The following TNKS variants were observed in gnomAD, a reference collection of about 807,000 sequenced individuals.
The protein encoded by TNKS is tankyrase, also known as poly [ADP-ribose] polymerase tankyrase-1.
In TNKS, 72 loss-of-function variants were observed where a neutral mutation model predicts 135.8. That is an observed-to-expected ratio of 0.53 (90% CI 0.44 to 0.64). The LOEUF is 0.64. Ranked by LOEUF, TNKS falls within the 30% of genes least tolerant of loss-of-function variation. The pLI is 0.00. For synonymous variants in TNKS, 849 were observed against 649.3 expected, an observed-to-expected ratio of 1.31 and a Z score of -4.68; for missense variants, 1,769 against 1,674.0, an observed-to-expected ratio of 1.06 and a Z score of -0.99.
intron 2 of TNKS, among the ~76,000 whole-genome samples, chr8:9,587,592 C>CG (rs556495006): frequency 1.1e-3 from 171 of 151,952 alleles, no homozygotes; most frequent in African/African-American, 3.5e-3. Context: ...TTAGTAGAAA[C>CG]GGGGTTTCAC....
At chr8:9,565,273 A>C (rs982035857) in intron 1 of TNKS, among the ~76,000 whole-genome samples, 12 of 151,902 alleles carry the variant, frequency 7.9e-5, no homozygotes, top group African/African-American at 2.9e-4. Context: ...TAGACAAGTT[A>C]TTTATTTATT....
chr8:9,598,240 G>C (rs1020133218), intron 2 of TNKS, among the ~76,000 whole-genome samples: 1 of 151,962 alleles, frequency 6.6e-6, no homozygotes, highest in Non-Finnish European at 1.5e-5. Flanking sequence ...GTAGAGACGG[G>C]GTTTCACCGT....
intron 1 of TNKS, among the ~76,000 whole-genome samples, chr8:9,563,028 A>G (rs1797397970): frequency 6.6e-6 from 1 of 152,018 alleles, no homozygotes; most frequent in Admixed American, 6.6e-5. Flanking sequence ...TTTTATGTAT[A>G]TTGAAACTTT....
chr8:9,572,474 C>T (rs555762344), intron 1 of TNKS, among the ~76,000 whole-genome samples: 5 of 152,182 alleles, frequency 3.3e-5, no homozygotes, highest in African/African-American at 4.8e-5. Context: ...TATTTCCTCT[C>T]TTCCCATCCT....
chr8:9,704,628 T>C, intron 5 of TNKS, 35 bp from the exon 6 acceptor site: 2 of 1,551,710 alleles, frequency 1.3e-6, no homozygotes, highest in Non-Finnish European at 1.8e-6. Flanking sequence ...TGTTTGTTTG[T>C]TTTTACCTGA....
intron 2 of TNKS, among the ~76,000 whole-genome samples, chr8:9,583,421 G>T (rs1279527872): frequency 6.6e-6 from 1 of 151,898 alleles, no homozygotes; most frequent in Non-Finnish European, 1.5e-5. Flanking sequence ...ATTTATCTTT[G>T]CTTCTCCCTA....
intron 3 of TNKS, among the ~76,000 whole-genome samples, chr8:9,656,611 C>CTTTTTTTTTTTTTTTTTTTT: frequency 7.3e-6 from 1 of 136,454 alleles, no homozygotes; most frequent in African/African-American, 2.9e-5. Context: ...AAAGAATTTT[C>CTTTTTTTTTTTTTTTTTTTT]TTTTTTTTTT....
intron 26 of TNKS, among the ~76,000 whole-genome samples, chr8:9,774,748 C>T (rs1210365166): frequency 6.6e-6 from 1 of 152,156 alleles, no homozygotes; most frequent in Non-Finnish European, 1.5e-5. Context: ...TCTTAGAATC[C>T]ACCTGACTAA....
intron 1 of TNKS, chr8:9,566,600 T>A: frequency 7.8e-6 from 1 of 128,624 alleles, no homozygotes; most frequent in Non-Finnish European, 1.6e-5. Flanking sequence ...AGTCTTTTTT[T>A]TTTTTTTTTT....
rs925411214 is a variant in TNKS, at chr8:9,640,252, C to T, written c.994+24575C>T. Among the ~76,000 whole-genome samples the T allele has an allele frequency of 7.8e-4, 119 of 152,246 alleles. 2 individuals are homozygous for T. Among genetic ancestry groups the T allele is most frequent in the African/African-American group, 2.7e-3 (114 of 41,532 alleles). ...GCTGGGAAGTCCAATATCAAGGAGC[C>T]AGCATCTGGCCAGGGCCTTCTTACT... is the stretch of plus-strand genomic sequence containing the variant. On this transcript the variant is annotated intron_variant, in intron 3 of 26. Transcript: ENST00000310430.
At chr8:9,728,442 T>A (rs1211096989) in intron 13 of TNKS, among the ~76,000 whole-genome samples, 1 of 152,218 alleles carries the variant, frequency 6.6e-6, no homozygotes, top group Non-Finnish European at 1.5e-5. Context: ...ATAAGCAGGA[T>A]GGGCTTCTAT....
intron 3 of TNKS, among the ~76,000 whole-genome samples, chr8:9,661,819 T>A (rs532665060): frequency 2.0e-5 from 3 of 152,038 alleles, no homozygotes; most frequent in Admixed American, 2.0e-4. Context: ...GGGAGAAAAT[T>A]TTTTGCAACC....
At chr8:9,654,345 G>T (rs2128782881) in intron 3 of TNKS, among the ~76,000 whole-genome samples, 1 of 150,770 alleles carries the variant, frequency 6.6e-6, no homozygotes, top group South Asian at 2.1e-4. Context: ...TACTAGTACT[G>T]CTAACTAAAA....
chr8:9,776,062 A>G (rs2128845414), intron 26 of TNKS, among the ~76,000 whole-genome samples: 1 of 152,134 alleles, frequency 6.6e-6, no homozygotes, highest in African/African-American at 2.4e-5. Context: ...ACTGCAAGAA[A>G]AAAGAGAAAG....
intron 14 of TNKS, among the ~76,000 whole-genome samples, chr8:9,732,914 A>G (rs1157537011): frequency 1.3e-5 from 2 of 152,218 alleles, no homozygotes; most frequent in Non-Finnish European, 2.9e-5. Context: ...TTTAATCACC[A>G]CTATGATTTA....
intron 26 of TNKS, chr8:9,772,231 T>G (rs1807948896): frequency 2.8e-6 from 1 of 359,190 alleles, no homozygotes; most frequent in African/African-American, 2.2e-5. Context: ...TTGCGTGGTT[T>G]TCTTATTACA....
At chr8:9,646,186 C>T (rs1483623345) in intron 3 of TNKS, among the ~76,000 whole-genome samples, 1 of 152,066 alleles carries the variant, frequency 6.6e-6, no homozygotes, top group Non-Finnish European at 1.5e-5. Context: ...TTGGTCTTCT[C>T]TTGCTCTTGA....
chr8:9,729,396 G>A (rs571756960), intron 13 of TNKS, among the ~76,000 whole-genome samples: 2 of 152,270 alleles, frequency 1.3e-5, no homozygotes, highest in South Asian at 4.2e-4. Flanking sequence ...AGCAAAATTA[G>A]TGAATACCTG....
At chr8:9,685,671 C>A (rs1219082830) in intron 5 of TNKS, among the ~76,000 whole-genome samples, 3 of 152,184 alleles carry the variant, frequency 2.0e-5, no homozygotes, top group Admixed American at 6.6e-5. Flanking sequence ...GCTTGGCCTT[C>A]CCCTCTCTTC....
Sources: gnomAD v4.1 joint callset for allele counts (sites outside exome capture counted in the v4.1 genomes callset) on GRCh38, gnomAD v4.1.1 for gene constraint, MANE v1.5 for transcripts, NCBI Gene and HGNC (gene_info 2026-07-23, HGNC 2026-07-21) for gene names.